The following ABCB11 variants were observed in gnomAD, a reference collection of about 807,000 sequenced individuals.
The protein encoded by ABCB11 is ATP binding cassette subfamily B member 11.
ABCB11 carries 95 observed loss-of-function variants against 148.0 expected under a neutral mutation model. The observed-to-expected ratio is 0.64, with a 90% CI of 0.54 to 0.76. The LOEUF (loss-of-function observed/expected upper bound fraction) is 0.76. Ranked by LOEUF, ABCB11 falls within the 30% of genes least tolerant of loss-of-function variation. The pLI is 0.00. For synonymous variants in ABCB11, 591 were observed against 555.4 expected (o/e 1.06, Z -0.90); for missense variants, 1,523 against 1,617.8 (o/e 0.94, Z 1.01).
In ABCB11 at chr2:168,939,114, G is replaced by C. The variant is rs1691958918; in HGVS notation, c.2611-2681C>G. On this transcript the variant is annotated intron_variant, in intron 21 of 27. Coordinates refer to ENST00000650372, the MANE Select transcript of ABCB11 (RefSeq NM_003742.4). ...TGATGGATATTTGGGTAGTTTCCAG[G>C]GAATTTTATTAATTTTTTGGTTAAT... 3.3e-5 allele frequency among the ~76,000 whole-genome samples: 5 copies of C among 151,556 alleles called. No homozygotes were observed. In the South Asian group the frequency reaches 1.0e-3, roughly 32 times the overall value.
At chr2:168,965,157 A>G (rs905542753) in intron 17 of ABCB11, among the ~76,000 whole-genome samples, 39 of 151,804 alleles carry the variant, frequency 2.6e-4, no homozygotes, top group African/African-American at 9.4e-4. Context: ...GGATATGGGG[A>G]TTTGTAGACT....
intron 22 of ABCB11, 87 bp from the exon 23 acceptor site, chr2:168,935,512 C>T (rs1574405472): frequency 6.7e-7 from 1 of 1,487,012 alleles, no homozygotes; most frequent in Non-Finnish European, 9.1e-7. Context: ...TTAGATGGTG[C>T]AAATGGCAGA....
At position 168,988,069 on chromosome 2, in the gene ABCB11, T is replaced by A. The variant is rs530305008; in HGVS notation, c.909-1785A>T. Among the ~76,000 whole-genome samples the A allele has an allele frequency of 3.9e-5, 6 of 152,280 alleles. No homozygotes were observed. The South Asian group carries it at 1.2e-3, about 32-fold the overall frequency. On this transcript the variant is annotated intron_variant, in intron 9 of 27. Coordinates refer to ENST00000650372, the MANE Select transcript of ABCB11 (RefSeq NM_003742.4). The stretch of plus-strand genomic sequence containing the variant: ...GTATGCAATGTGATGTTATTAACCA[T>A]AGTCACCATGTTAACAACACATTTC...
intron 25 of ABCB11, among the ~76,000 whole-genome samples, chr2:168,927,950 T>C (rs1574395269): frequency 6.6e-6 from 1 of 152,324 alleles, no homozygotes; most frequent in Non-Finnish European, 1.5e-5. Flanking sequence ...ATAATCTCTG[T>C]TTCCTAGGAA....
At chr2:168,946,223 G>A (rs1343218583) in intron 19 of ABCB11, among the ~76,000 whole-genome samples, 1 of 151,786 alleles carries the variant, frequency 6.6e-6, no homozygotes, top group Non-Finnish European at 1.5e-5. Flanking sequence ...TCATTTTCCT[G>A]AATTAATTTG....
intron 5 of ABCB11, among the ~76,000 whole-genome samples, chr2:169,005,906 A>G (rs895555779): frequency 5.9e-5 from 9 of 152,228 alleles, no homozygotes; most frequent in African/African-American, 1.7e-4. Context: ...AGATTGAATC[A>G]GCAATCAAAA....
chr2:168,923,907 G>T, intron 27 of ABCB11, 85 bp from the exon 28 acceptor site: 1 of 1,313,892 alleles, frequency 7.6e-7, no homozygotes, highest in Non-Finnish European at 1.1e-6. Context: ...AACACGACCT[G>T]AATAACAATC....
At chr2:168,945,585 G>A in intron 19 of ABCB11, among the ~76,000 whole-genome samples, 1 of 150,358 alleles carries the variant, frequency 6.7e-6, no homozygotes, top group Non-Finnish European at 1.5e-5. Flanking sequence ...GAAGAAGGAA[G>A]AGAGGACGGA....
chr2:168,965,676 GGT>G (rs907067798), intron 17 of ABCB11, among the ~76,000 whole-genome samples: 1 of 151,750 alleles, frequency 6.6e-6, no homozygotes, highest in African/African-American at 2.4e-5. Context: ...TGAAGTAAAT[GGT>G]GTAAAGAGAG....
At chr2:169,013,627 A>G in intron 4 of ABCB11, 117 bp from the exon 5 acceptor site, 1 of 729,764 alleles carries the variant, frequency 1.4e-6, no homozygotes, top group Non-Finnish European at 2.3e-6. Context: ...ATTTCATGGG[A>G]ATCACCTTAA....
chr2:168,966,729 C>T (rs903087683), intron 17 of ABCB11, among the ~76,000 whole-genome samples: 7 of 151,862 alleles, frequency 4.6e-5, no homozygotes, highest in African/African-American at 7.2e-5. Flanking sequence ...CATATTAACA[C>T]TTCATTTAGT....
chr2:168,933,951 C>T (rs1040675704), intron 23 of ABCB11, among the ~76,000 whole-genome samples: 3 of 152,070 alleles, frequency 2.0e-5, no homozygotes, highest in Non-Finnish European at 1.5e-5. Flanking sequence ...TGAGGTTTCG[C>T]CATGTTGGCC....
Position 168,921,580 on chromosome 2 carries a change from T to C in ABCB11, c.*2042A>G, listed in dbSNP as rs1211061936. Among the ~76,000 whole-genome samples, 1 of 152,230 alleles carries C rather than the reference T, an allele frequency of 6.6e-6. No homozygotes were observed. The highest frequency in any genetic ancestry group is 2.4e-5 in the African/African-American group (1 of 41,464). On this transcript the variant is annotated 3_prime_UTR_variant, in exon 28 of 28. Transcript: ENST00000650372. Reference sequence around the variant, plus strand: ...ATTGAACACATTTATTACCATTTTTTGAGTGTTTTTCTAATCACTGCATTG... The same window carrying C: ...ATTGAACACATTTATTACCATTTTTCGAGTGTTTTTCTAATCACTGCATTG...
chr2:169,018,192 C>T, intron 1 of ABCB11, 40 bp from the exon 2 acceptor site: 1 of 1,531,202 alleles, frequency 6.5e-7, no homozygotes, highest in South Asian at 1.1e-5. Flanking sequence ...ATTATTATCT[C>T]TTCTTTCTTC....
At chr2:168,977,701 T>C (rs1230476679) in intron 11 of ABCB11, among the ~76,000 whole-genome samples, 1 of 152,124 alleles carries the variant, frequency 6.6e-6, no homozygotes, top group Non-Finnish European at 1.5e-5. Context: ...TGGGGAGGCC[T>C]CAGGAAACTT....
At chr2:168,969,285 A>G (rs1693462678) in intron 16 of ABCB11, 65 bp downstream of exon 16, 4 of 1,428,374 alleles carry the variant, frequency 2.8e-6, no homozygotes, top group Non-Finnish European at 3.8e-6. Context: ...TACATAGAAA[A>G]CCGTAAAGCA....
At chr2:169,030,550 T>G (rs1040401859) in intron 1 of ABCB11, among the ~76,000 whole-genome samples, 1 of 152,244 alleles carries the variant, frequency 6.6e-6, no homozygotes. Flanking sequence ...CTCAAAATGT[T>G]GACAAATACT....
At chr2:168,968,522 A>G (rs766487472) in intron 16 of ABCB11, 32 bp from the exon 17 acceptor site, 3 of 1,577,522 alleles carry the variant, frequency 1.9e-6, no homozygotes, top group Non-Finnish European at 1.7e-6. Context: ...ATTTTTTAGT[A>G]TATACAATAA....
chr2:169,011,004 G>A (rs964297950), intron 5 of ABCB11, among the ~76,000 whole-genome samples: 2 of 152,174 alleles, frequency 1.3e-5, no homozygotes, highest in African/African-American at 2.4e-5. Context: ...CTCGCCTTCA[G>A]GTATGTGATC....
Sources: allele counts gnomAD v4.1 joint callset (sites outside exome capture counted in the v4.1 genomes callset), GRCh38; gene constraint gnomAD v4.1.1; transcripts MANE v1.5; gene names NCBI Gene and HGNC (gene_info 2026-07-23, HGNC 2026-07-21).